The following CALN1 variants were observed in gnomAD, a reference collection of about 807,000 sequenced individuals.
CALN1 encodes the protein calneuron 1.
In CALN1, 17 loss-of-function variants were observed where a neutral mutation model predicts 30.6. The ratio of observed to expected loss-of-function variants is 0.56; its 90% CI spans 0.38 to 0.83. CALN1 has a LOEUF of 0.83. Ranked by LOEUF, CALN1 falls within the 40% of genes least tolerant of loss-of-function variation. The pLI is 0.00. For synonymous variants in CALN1, 156 were observed against 131.4 expected, an observed-to-expected ratio of 1.19 and a Z score of -1.28; for missense variants, 291 against 354.9, an observed-to-expected ratio of 0.82 and a Z score of 1.45.
At chr7:71,996,389 A>C (rs1799253526) in intron 5 of CALN1, among the ~76,000 whole-genome samples, 2 of 152,204 alleles carry the variant, frequency 1.3e-5, no homozygotes. Context: ...AAGGATTTTA[A>C]AGAAACCATC....
chr7:72,422,464 T>C (rs530044473), intron 1 of CALN1, among the ~76,000 whole-genome samples: 12 of 152,342 alleles, frequency 7.9e-5, no homozygotes, highest in Admixed American at 7.8e-4. Context: ...CAGCAGCTGA[T>C]AAAGTTGCAG....
chr7:71,899,370 C>T (rs1562883429), intron 5 of CALN1, among the ~76,000 whole-genome samples: 1 of 151,882 alleles, frequency 6.6e-6, no homozygotes, highest in Non-Finnish European at 1.5e-5. Context: ...CTCGAACTGC[C>T]GACCTCAGGT....
At chr7:72,444,524 T>C (rs568468752) in intron 1 of CALN1, among the ~76,000 whole-genome samples, 1 of 152,288 alleles carries the variant, frequency 6.6e-6, no homozygotes, top group South Asian at 2.1e-4. Context: ...CAATAAACTT[T>C]TATGTTGTTT....
intron 3 of CALN1, among the ~76,000 whole-genome samples, chr7:72,165,651 T>C (rs2129545098): frequency 6.6e-6 from 1 of 152,024 alleles, no homozygotes; most frequent in East Asian, 1.9e-4. Context: ...GGGAAAAGAA[T>C]TATCAAATTT....
chr7:72,249,322 A>G (rs1009027145), intron 3 of CALN1, among the ~76,000 whole-genome samples: 4 of 152,174 alleles, frequency 2.6e-5, no homozygotes, highest in Non-Finnish European at 5.9e-5. Flanking sequence ...TCATGAAACC[A>G]TCATCGCAAC....
At position 72,113,177 on chromosome 7, in the gene CALN1, G is replaced by C. The variant is rs138897233; in HGVS notation, c.245-6883C>G. ...CTAATGGGAGGCCTATGAGCCATGG[G>C]GCCAGATCCTGCATGAACAGATCAA... On this transcript the variant is annotated intron_variant, in intron 3 of 6. Coordinates refer to ENST00000395275, the MANE Select transcript of CALN1 (RefSeq NM_031468.4). 7.9e-3 allele frequency among the ~76,000 whole-genome samples: 1,198 copies of C among 152,258 alleles called. 20 individuals are homozygous for C. The highest frequency in any genetic ancestry group is 0.027 in the African/African-American group (1,102 of 41,556).
chr7:71,839,167 C>T (rs965026838), intron 5 of CALN1, among the ~76,000 whole-genome samples: 2 of 152,084 alleles, frequency 1.3e-5, no homozygotes, highest in Non-Finnish European at 2.9e-5. Context: ...AGAGATACTC[C>T]CCCTTTAAAC....
At chr7:72,459,181 G>A in the CALN1 span, among the ~76,000 whole-genome samples, 2 of 151,982 alleles carry the variant, frequency 1.3e-5, no homozygotes, top group Non-Finnish European at 2.9e-5. Context: ...TGGGATTACA[G>A]GCATGAACCA....
At chr7:72,064,687 C>T (rs986879620) in intron 4 of CALN1, among the ~76,000 whole-genome samples, 14 of 152,166 alleles carry the variant, frequency 9.2e-5, no homozygotes, top group African/African-American at 3.4e-4. Context: ...TGCAAGACTC[C>T]TAGCCTTCCA....
intron 2 of CALN1, among the ~76,000 whole-genome samples, chr7:72,294,667 T>C (rs1270646900): frequency 6.6e-6 from 1 of 151,830 alleles, no homozygotes. Flanking sequence ...GAGGATCGTT[T>C]GAGCCCAAGA....
chr7:72,318,332 A>G (rs1378104469), intron 2 of CALN1, among the ~76,000 whole-genome samples: 1 of 152,034 alleles, frequency 6.6e-6, no homozygotes. Flanking sequence ...CCTACTACCA[A>G]CCTCTCCAAT....
chr7:72,431,042 G>C (rs565701983), intron 1 of CALN1, among the ~76,000 whole-genome samples: 1 of 140,760 alleles, frequency 7.1e-6, no homozygotes, highest in Non-Finnish European at 1.5e-5. Flanking sequence ...CGATTCTCCT[G>C]CCTCAGTCTC....
chr7:72,030,457 A>G (rs1008951016), intron 4 of CALN1, among the ~76,000 whole-genome samples: 1 of 152,176 alleles, frequency 6.6e-6, no homozygotes, highest in South Asian at 2.1e-4. Flanking sequence ...AGACTACAGA[A>G]ATGACCTCTT....
chr7:72,200,413 T>C (rs538048277), intron 3 of CALN1, among the ~76,000 whole-genome samples: 9 of 152,304 alleles, frequency 5.9e-5, no homozygotes, highest in African/African-American at 1.9e-4. Flanking sequence ...TGCTTAACCA[T>C]AGTGAGCACT....
At chr7:72,103,487 AC>A (rs1387252576) in intron 4 of CALN1, 1 of 152,162 alleles carries the variant, frequency 6.6e-6, no homozygotes, top group Non-Finnish European at 1.5e-5. Context: ...ACCAGATCTT[AC>A]GGCTCTACTT....
At chr7:72,203,654 T>C (rs536832834) in intron 3 of CALN1, among the ~76,000 whole-genome samples, 2 of 152,328 alleles carry the variant, frequency 1.3e-5, no homozygotes, top group South Asian at 2.1e-4. Context: ...TATTTCACTC[T>C]AATTAGCAAG....
intron 5 of CALN1, among the ~76,000 whole-genome samples, chr7:71,896,999 G>A (rs1355046536): frequency 6.6e-6 from 1 of 152,112 alleles, no homozygotes; most frequent in Non-Finnish European, 1.5e-5. Context: ...AGGAAATAAG[G>A]CTATGAGAAG....
chr7:72,088,701 GAAA>G (rs71069024), intron 4 of CALN1, among the ~76,000 whole-genome samples: 1 of 72,466 alleles, frequency 1.4e-5, no homozygotes, highest in Non-Finnish European at 3.1e-5. Flanking sequence ...TCCATCTCAA[GAAA>G]AAAAAAAAAA....
intron 5 of CALN1, among the ~76,000 whole-genome samples, chr7:71,825,359 T>G (rs934143319): frequency 6.6e-6 from 1 of 152,340 alleles, no homozygotes; most frequent in Non-Finnish European, 1.5e-5. Flanking sequence ...ATAAGTCTCA[T>G]GAGATCTGGT....
Sources: allele counts gnomAD v4.1 joint callset (sites outside exome capture counted in the v4.1 genomes callset), GRCh38; gene constraint gnomAD v4.1.1; transcripts MANE v1.5; gene names NCBI Gene and HGNC (gene_info 2026-07-23, HGNC 2026-07-21).